The following ZNF782 variants were observed in gnomAD, a reference collection of about 807,000 sequenced individuals.
The protein encoded by ZNF782 is zinc finger protein 782.
In ZNF782, 12 loss-of-function variants were observed where a neutral mutation model predicts 13.0. The ratio of observed to expected loss-of-function variants is 0.92; its 90% CI spans 0.59 to 1.50. The LOEUF is 1.50. Ranked by LOEUF, ZNF782 falls within the 40% of genes most tolerant of loss-of-function variation. The pLI is 0.00. For synonymous variants in ZNF782, 284 were observed against 283.0 expected, an observed-to-expected ratio of 1.00 and a Z score of -0.04; for missense variants, 770 against 822.9, an observed-to-expected ratio of 0.94 and a Z score of 0.79.
chr9:96,818,941 ATGTGAACCTTC>A lies in ZNF782; in HGVS notation c.1071_1081del (p.Gln357HisfsTer7), dbSNP rs1850297329. 2.5e-6 allele frequency: 4 copies of A among 1,614,100 alleles called. No homozygotes were observed. Among genetic ancestry groups the A allele is most frequent in the Non-Finnish European group, 3.4e-6 (4 of 1,180,048 alleles). ...ATTATACTCATAGGGTTTTGCCCTT[ATGTGAACCTTC>A]TGATGTACACTGAAAGTTGACTGGT... is the stretch of plus-strand genomic sequence containing the variant. On this transcript the variant is annotated frameshift_variant, in exon 6 of 6. Coordinates refer to ENST00000481138, the MANE Select transcript of ZNF782 (RefSeq NM_001001662.3). LOFTEE classifies it low-confidence loss of function (END_TRUNC).
Position 96,851,883 on chromosome 9 carries a change from A to C in ZNF782, c.15+64T>G, listed in dbSNP as rs1851497842. 3.5e-6 allele frequency: 5 copies of C among 1,440,702 alleles called. No homozygotes were observed. The South Asian group carries it at 4.6e-5, about 13-fold the overall frequency. 89.2% of individuals were successfully genotyped at this position (1,440,702 alleles called of 1,614,324 possible). ...TATTTCTCCTTTTCCATTTAATGCA[A>C]GGGCCTATCTAAACCTCATAAAATC... On this transcript the variant is annotated intron_variant, in intron 3 of 5. Coordinates refer to ENST00000481138, the MANE Select transcript of ZNF782 (RefSeq NM_001001662.3).
intron 1 of ZNF782, among the ~76,000 whole-genome samples, chr9:96,870,085 G>C (rs189299752): frequency 1.5e-3 from 228 of 152,268 alleles, no homozygotes; most frequent in Non-Finnish European, 2.7e-3. Flanking sequence ...CCTTAAAGGA[G>C]ACTACCTTAG....
chr9:96,882,454 G>C, the ZNF782 span, among the ~76,000 whole-genome samples: 11 of 151,970 alleles, frequency 7.2e-5, no homozygotes, highest in Admixed American at 1.3e-4. Flanking sequence ...TAAAATAGTA[G>C]GCTTCCTTTA....
the ZNF782 span, chr9:96,892,081 C>A: frequency 6.6e-6 from 1 of 152,162 alleles, no homozygotes. Context: ...ATCAGGGGGG[C>A]TATAGGGAAC....
intron 4 of ZNF782, among the ~76,000 whole-genome samples, chr9:96,835,022 A>C (rs1354286514): frequency 6.6e-6 from 1 of 152,254 alleles, no homozygotes; most frequent in African/African-American, 2.4e-5. Flanking sequence ...TTCTGCTAAG[A>C]TCTCAGATGG....
At chr9:96,889,728 TATTA>T in the ZNF782 span, 1 of 152,158 alleles carries the variant, frequency 6.6e-6, no homozygotes, top group African/African-American at 2.4e-5. Context: ...AAAGAGTACT[TATTA>T]ATTTCATCTT....
chr9:96,829,985 A>G (rs1162117222), intron 4 of ZNF782, among the ~76,000 whole-genome samples: 1 of 152,166 alleles, frequency 6.6e-6, no homozygotes, highest in Non-Finnish European at 1.5e-5. Flanking sequence ...TCAAGGAATG[A>G]CAATGATGAG....
chr9:96,825,392 T>C (rs1441604324), intron 5 of ZNF782, among the ~76,000 whole-genome samples: 2 of 151,696 alleles, frequency 1.3e-5, no homozygotes, highest in Non-Finnish European at 2.9e-5. Context: ...TTACACCTTA[T>C]ACAAAAATCA....
At chr9:96,844,178 G>T (rs1851272853) in intron 4 of ZNF782, among the ~76,000 whole-genome samples, 1 of 152,148 alleles carries the variant, frequency 6.6e-6, no homozygotes, top group African/African-American at 2.4e-5. Context: ...AAAACATTTG[G>T]CAGTTTCTCA....
At chr9:96,927,331 T>G in the ZNF782 span, among the ~76,000 whole-genome samples, 1 of 152,164 alleles carries the variant, frequency 6.6e-6, no homozygotes, top group African/African-American at 2.4e-5. Flanking sequence ...ACCAGAGTTC[T>G]AGGAATTGTA....
upstream of ZNF782, among the ~76,000 whole-genome samples, chr9:96,876,357 G>A (rs1036835329): frequency 6.6e-6 from 1 of 152,184 alleles, no homozygotes. Context: ...AAGCGAATAT[G>A]GCAAAAGGTT....
rs1371956995 is a variant in ZNF782, at chr9:96,867,577, T to C, written c.-456-5974A>G. Reference sequence around the variant, plus strand: ...GGCATATCATAAAACGGGTTTAGTCTAGCCAAGATGTCTCTCTTTGATCTT... The same window carrying C: ...GGCATATCATAAAACGGGTTTAGTCCAGCCAAGATGTCTCTCTTTGATCTT... On this transcript the variant is annotated intron_variant, in intron 1 of 5. Coordinates refer to the ZNF782 transcript ENST00000498811. Among the ~76,000 whole-genome samples, 2 of 152,240 alleles carry C rather than the reference T, an allele frequency of 1.3e-5. 1 individual carries two copies. The highest frequency in any genetic ancestry group is 6.3e-3 in the Middle Eastern group (2 of 316).
chr9:96,884,980 A>T, the ZNF782 span, among the ~76,000 whole-genome samples: 1 of 152,232 alleles, frequency 6.6e-6, no homozygotes, highest in Non-Finnish European at 1.5e-5. Flanking sequence ...TTATCTAACA[A>T]GTGTTTTCAG....
the ZNF782 span, chr9:96,887,307 AAGG>A: frequency 8.1e-6 from 1 of 122,808 alleles, no homozygotes; most frequent in Non-Finnish European, 1.8e-5. Context: ...GGAAGGAAGG[AAGG>A]AAGGAAGGAA....
chr9:96,849,235 A>T (rs1258877893), intron 3 of ZNF782, among the ~76,000 whole-genome samples: 3 of 152,348 alleles, frequency 2.0e-5, no homozygotes, highest in African/African-American at 7.2e-5. Flanking sequence ...GATTCTCATA[A>T]GAAGCACCCA....
At chr9:96,846,620 A>G (rs1436573905) in intron 3 of ZNF782, among the ~76,000 whole-genome samples, 1 of 152,202 alleles carries the variant, frequency 6.6e-6, no homozygotes, top group African/African-American at 2.4e-5. Flanking sequence ...TGATGATAAA[A>G]GGATCAATCC....
the ZNF782 span, among the ~76,000 whole-genome samples, chr9:96,896,253 G>A: frequency 6.6e-6 from 1 of 152,094 alleles, no homozygotes; most frequent in Non-Finnish European, 1.5e-5. Context: ...TTGGTTTCAG[G>A]TGGCAAGCTC....
intron 4 of ZNF782, among the ~76,000 whole-genome samples, chr9:96,828,126 A>T (rs569175379): frequency 6.6e-6 from 1 of 152,250 alleles, no homozygotes. Context: ...ACTCAAGGTT[A>T]GGAAAAGACC....
intron 3 of ZNF782, among the ~76,000 whole-genome samples, chr9:96,848,262 G>A (rs1851392814): frequency 6.6e-6 from 1 of 152,142 alleles, no homozygotes. Flanking sequence ...ACAAGACAAG[G>A]ATGCCCGCTT....
Sources: allele counts gnomAD v4.1 joint callset (sites outside exome capture counted in the v4.1 genomes callset), GRCh38; gene constraint gnomAD v4.1.1; transcripts MANE v1.5; gene names NCBI Gene and HGNC (gene_info 2026-07-23, HGNC 2026-07-21).